The following PRKD1 variants were observed in gnomAD, a reference collection of about 807,000 sequenced individuals.
PRKD1 encodes the protein protein kinase D1.
A neutral mutation model predicts 95.9 loss-of-function variants in PRKD1; 63 were observed. The ratio of observed to expected loss-of-function variants is 0.66; its 90% CI spans 0.54 to 0.81. PRKD1 has a LOEUF of 0.81. Ranked by LOEUF, PRKD1 falls within the 30% of genes least tolerant of loss-of-function variation. The probability of loss-of-function intolerance (pLI) is 0.00; values close to 1 mark genes in which losing one functional copy is unlikely to be tolerated. For missense variants in PRKD1, 1,048 were observed against 1,165.3 expected (o/e 0.90, Z 1.47); for synonymous variants, 425 against 423.1 (o/e 1.00, Z -0.05).
intron 16 of PRKD1, among the ~76,000 whole-genome samples, chr14:29,581,759 T>C (rs1248564051): frequency 2.0e-5 from 3 of 152,228 alleles, no homozygotes; most frequent in Admixed American, 6.5e-5. Flanking sequence ...TCTGTGACCA[T>C]AGCTCTGCCT....
intron 2 of PRKD1, among the ~76,000 whole-genome samples, chr14:29,708,196 A>G (rs1411185833): frequency 6.6e-6 from 1 of 152,134 alleles, no homozygotes; most frequent in Non-Finnish European, 1.5e-5. Flanking sequence ...CAAGTCCCCA[A>G]ATGAGGCAAT....
chr14:29,812,205 C>A (rs2139245929), intron 1 of PRKD1, among the ~76,000 whole-genome samples: 1 of 152,236 alleles, frequency 6.6e-6, no homozygotes, highest in Admixed American at 6.5e-5. Context: ...TGTATTATGT[C>A]TTACAACTCC....
chr14:29,754,621 A>G (rs1376391658), intron 1 of PRKD1, among the ~76,000 whole-genome samples: 1 of 152,138 alleles, frequency 6.6e-6, no homozygotes, highest in Non-Finnish European at 1.5e-5. Flanking sequence ...TTTATCATAT[A>G]TAAATTTTTC....
chr14:29,849,297 G>T (rs952516196), intron 1 of PRKD1, among the ~76,000 whole-genome samples: 1 of 152,094 alleles, frequency 6.6e-6, no homozygotes, highest in African/African-American at 2.4e-5. Context: ...CACCATAATT[G>T]TAAGTTTCCT....
At chr14:29,593,021 T>C (rs1367894238) in intron 16 of PRKD1, among the ~76,000 whole-genome samples, 1 of 152,168 alleles carries the variant, frequency 6.6e-6, no homozygotes, top group Non-Finnish European at 1.5e-5. Context: ...ATTTGTACCC[T>C]GGCCCCACCT....
chr14:29,797,631 T>C (rs937553009), intron 1 of PRKD1, among the ~76,000 whole-genome samples: 1 of 152,132 alleles, frequency 6.6e-6, no homozygotes, highest in Admixed American at 6.5e-5. Context: ...GGTGCCACTA[T>C]CAGTTGGTGC....
At chr14:29,751,543 T>G (rs1365924423) in intron 1 of PRKD1, among the ~76,000 whole-genome samples, 1 of 152,196 alleles carries the variant, frequency 6.6e-6, no homozygotes, top group East Asian at 1.9e-4. Context: ...CAACTGAAGA[T>G]TGTGGCACTG....
chr14:29,690,252 T>C (rs1347521298), intron 2 of PRKD1, among the ~76,000 whole-genome samples: 2 of 152,162 alleles, frequency 1.3e-5, no homozygotes, highest in African/African-American at 2.4e-5. Flanking sequence ...CTACCCCCAA[T>C]ATCTGCCACA....
chr14:29,691,780 T>G (rs562574902), intron 2 of PRKD1, among the ~76,000 whole-genome samples: 2 of 152,138 alleles, frequency 1.3e-5, no homozygotes, highest in South Asian at 4.2e-4. Context: ...AAAGTGATGA[T>G]CACTTTTTCA....
At chr14:29,598,130 G>A (rs945037910) in intron 15 of PRKD1, among the ~76,000 whole-genome samples, 1 of 151,770 alleles carries the variant, frequency 6.6e-6, no homozygotes, top group Non-Finnish European at 1.5e-5. Context: ...TAAAAAATTA[G>A]CCCGGCGTAG....
intron 1 of PRKD1, among the ~76,000 whole-genome samples, chr14:29,823,522 C>T (rs1890998420): frequency 6.6e-6 from 1 of 152,128 alleles, no homozygotes; most frequent in African/African-American, 2.4e-5. Flanking sequence ...GAATTGATAG[C>T]TCTAAATGAC....
intron 1 of PRKD1, among the ~76,000 whole-genome samples, chr14:29,774,974 T>G (rs1888671894): frequency 2.0e-5 from 3 of 152,116 alleles, no homozygotes; most frequent in Admixed American, 2.0e-4. Context: ...TTATAATGCC[T>G]AAAGAGATGA....
chr14:29,864,113 A>C (rs1038775164), intron 1 of PRKD1, among the ~76,000 whole-genome samples: 13 of 152,100 alleles, frequency 8.5e-5, no homozygotes, highest in African/African-American at 2.9e-4. Flanking sequence ...TTTATAAATT[A>C]AATAAGAGAA....
chr14:29,695,849 G>A (rs1198821072), intron 2 of PRKD1, among the ~76,000 whole-genome samples: 9 of 152,150 alleles, frequency 5.9e-5, no homozygotes, highest in Admixed American at 5.9e-4. Flanking sequence ...GAGAAAGAAC[G>A]AGAGAAAATG....
At chr14:29,785,574 T>C (rs8009605) in intron 1 of PRKD1, among the ~76,000 whole-genome samples, 30,724 of 151,598 alleles carry the variant, frequency 0.2, 3,265 homozygotes, top group Non-Finnish European at 0.24. Context: ...TGACTGATTG[T>C]TCCGAATAAG....
intron 1 of PRKD1, among the ~76,000 whole-genome samples, chr14:29,850,911 A>G (rs901590161): frequency 6.6e-6 from 1 of 151,972 alleles, no homozygotes; most frequent in Non-Finnish European, 1.5e-5. Flanking sequence ...AAAAAAACCA[A>G]TGGGACAGAA....
chr14:29,715,406 T>C (rs999035771), intron 2 of PRKD1, among the ~76,000 whole-genome samples: 1 of 152,094 alleles, frequency 6.6e-6, no homozygotes, highest in African/African-American at 2.4e-5. Flanking sequence ...TATTGTGACT[T>C]AGGGATTGCA....
intron 2 of PRKD1, among the ~76,000 whole-genome samples, chr14:29,681,601 A>G (rs558066774): frequency 1.7e-3 from 257 of 152,300 alleles, no homozygotes; most frequent in Admixed American, 4.3e-3. Flanking sequence ...CTTGTTTAAA[A>G]TGGCCTATGA....
At chr14:29,641,898 CTTTTTTTT>C (rs751584936) in intron 4 of PRKD1, among the ~76,000 whole-genome samples, 3 of 116,710 alleles carry the variant, frequency 2.6e-5, no homozygotes, top group African/African-American at 9.9e-5. Context: ...AAAAATATTT[CTTTTTTTT>C]TTTTTTTTTT....
Sources: allele counts gnomAD v4.1 joint callset (sites outside exome capture counted in the v4.1 genomes callset), GRCh38; gene constraint gnomAD v4.1.1; transcripts MANE v1.5; gene names NCBI Gene and HGNC (gene_info 2026-07-23, HGNC 2026-07-21).